The following CDH9 variants were observed in gnomAD, a reference collection of about 807,000 sequenced individuals.
The protein encoded by CDH9 is cadherin 9.
CDH9 carries 28 observed loss-of-function variants against 70.9 expected under a neutral mutation model. That is an observed-to-expected ratio of 0.40 (90% CI 0.29 to 0.54). The LOEUF (loss-of-function observed/expected upper bound fraction) is 0.54. Among genes scored for constraint, CDH9 ranks in the 20% least tolerant of loss-of-function variants. The pLI is 0.59. For synonymous variants in CDH9, 409 were observed against 343.1 expected (o/e 1.19, Z -2.12); for missense variants, 874 against 984.4 (o/e 0.89, Z 1.50).
intron 1 of CDH9, among the ~76,000 whole-genome samples, chr5:27,021,586 A>C (rs1743139225): frequency 6.6e-6 from 1 of 151,872 alleles, no homozygotes; most frequent in Non-Finnish European, 1.5e-5. Context: ...AATATGATGC[A>C]GTTATAAAGT....
At chr5:26,986,631 T>A (rs1742492683) in intron 2 of CDH9, among the ~76,000 whole-genome samples, 1 of 152,138 alleles carries the variant, frequency 6.6e-6, no homozygotes, top group Admixed American at 6.6e-5. Flanking sequence ...TCTGTATCTG[T>A]GAATCTCCAA....
intron 1 of CDH9, among the ~76,000 whole-genome samples, chr5:27,002,451 C>A (rs1449963826): frequency 1.3e-5 from 2 of 152,132 alleles, no homozygotes; most frequent in African/African-American, 4.8e-5. Context: ...AATCATGCTG[C>A]TATAAAGACA....
At chr5:26,906,899 T>G (rs879297827) in intron 3 of CDH9, 61 bp from the exon 4 acceptor site, 105 of 1,495,514 alleles carry the variant, frequency 7.0e-5, no homozygotes, top group Non-Finnish European at 9.4e-5. Context: ...TGAAACAATC[T>G]TTCTTAAAAA....
At position 26,933,863 on chromosome 5, in the gene CDH9, G is replaced by A. The variant is rs117861299; in HGVS notation, c.229-17939C>T. Among the ~76,000 whole-genome samples the A allele has an allele frequency of 7.1e-3, 1,081 of 152,000 alleles. 35 individuals are homozygous for A. The East Asian group carries it at 0.088, about 12-fold the overall frequency. ...ACACATTACTACTATTAGATATCAC[G>A]ACTAATCCCATGAACACAGGATAGT... On this transcript the variant is annotated intron_variant, in intron 2 of 11. Transcript: ENST00000231021.
At chr5:26,985,536 AC>A (rs1742474969) in intron 2 of CDH9, among the ~76,000 whole-genome samples, 1 of 152,118 alleles carries the variant, frequency 6.6e-6, no homozygotes, top group Non-Finnish European at 1.5e-5. Context: ...TCAGGATCAA[AC>A]CCTCGTTTTA....
chr5:26,909,076 C>T (rs1383323893), intron 3 of CDH9, among the ~76,000 whole-genome samples: 2 of 152,088 alleles, frequency 1.3e-5, no homozygotes, highest in Non-Finnish European at 2.9e-5. Context: ...CTCCGCCTCC[C>T]GGGTTCACGC....
chr5:26,960,626 A>C (rs1742017699), intron 2 of CDH9, among the ~76,000 whole-genome samples: 1 of 152,018 alleles, frequency 6.6e-6, no homozygotes, highest in Non-Finnish European at 1.5e-5. Flanking sequence ...ATTTTACTGA[A>C]AATGTATGAT....
chr5:27,032,852 C>G (rs1284630770), intron 1 of CDH9, among the ~76,000 whole-genome samples: 1 of 151,014 alleles, frequency 6.6e-6, no homozygotes, highest in African/African-American at 2.4e-5. Flanking sequence ...AAAAATTTCA[C>G]CATATAATAT....
chr5:27,038,322 C>T (rs529216666), intron 1 of CDH9, 141 bp downstream of exon 1: 101 of 151,498 alleles, frequency 6.7e-4, no homozygotes, highest in Admixed American at 3.6e-3. Context: ...AAAATGTATT[C>T]TTATGTGCTT....
intron 3 of CDH9, among the ~76,000 whole-genome samples, chr5:26,911,790 T>C (rs2112000532): frequency 1.3e-5 from 2 of 152,298 alleles, no homozygotes; most frequent in Middle Eastern, 6.8e-3. Flanking sequence ...CTGATTAGAA[T>C]ATGCTAGTGT....
rs572993952 is a variant in CDH9 at position 26,997,275 on chromosome 5, A to ATG, written c.-49-8895_-49-8894dup. 2.1e-3 allele frequency among the ~76,000 whole-genome samples: 316 copies of ATG among 150,770 alleles called. 1 individual carries two copies. The highest frequency in any genetic ancestry group is 0.014 in the South Asian group (68 of 4,758). On this transcript the variant is annotated intron_variant, in intron 1 of 11. Transcript: ENST00000231021. ...TGTGTGTGTGTATAAACATATATGTATGTGTGTGTGTGTGTGTATATATGT... is the reference window on the plus strand; with the variant it reads ...TGTGTGTGTGTATAAACATATATGTATGTGTGTGTGTGTGTGTGTATATATGT...
intron 1 of CDH9, among the ~76,000 whole-genome samples, chr5:27,026,740 T>G (rs1367317529): frequency 6.6e-6 from 1 of 151,920 alleles, no homozygotes; most frequent in East Asian, 1.9e-4. Context: ...TTTGTATATT[T>G]TATAAACATT....
At chr5:27,032,954 G>A (rs1474322554) in intron 1 of CDH9, among the ~76,000 whole-genome samples, 1 of 150,802 alleles carries the variant, frequency 6.6e-6, no homozygotes, top group Non-Finnish European at 1.5e-5. Context: ...CATAGTTTGA[G>A]ATAGCATTAA....
intron 1 of CDH9, among the ~76,000 whole-genome samples, chr5:27,008,730 G>A (rs1742909072): frequency 6.6e-6 from 1 of 152,068 alleles, no homozygotes; most frequent in Non-Finnish European, 1.5e-5. Flanking sequence ...TATAGTAAGT[G>A]TTAATGTGAT....
At chr5:26,957,178 T>C (rs2112055509) in intron 2 of CDH9, among the ~76,000 whole-genome samples, 1 of 152,220 alleles carries the variant, frequency 6.6e-6, no homozygotes, top group Admixed American at 6.5e-5. Context: ...GGGTTAAATT[T>C]TAATACCTCA....
At chr5:26,999,384 C>G (rs1020241310) in intron 1 of CDH9, among the ~76,000 whole-genome samples, 1 of 152,098 alleles carries the variant, frequency 6.6e-6, no homozygotes, top group African/African-American at 2.4e-5. Flanking sequence ...TACTCTTATT[C>G]AATAGAGATA....
At chr5:26,944,968 G>T (rs1042122254) in intron 2 of CDH9, among the ~76,000 whole-genome samples, 1 of 44,292 alleles carries the variant, frequency 2.3e-5, no homozygotes, top group Admixed American at 4.0e-4. Flanking sequence ...AACTCTGAGT[G>T]AAACTATCAT....
At chr5:27,012,247 C>A (rs114182042) in intron 1 of CDH9, among the ~76,000 whole-genome samples, 2 of 151,598 alleles carry the variant, frequency 1.3e-5, no homozygotes, top group Admixed American at 1.3e-4. Context: ...TGTTGTACTC[C>A]GTTGTTTTTA....
At chr5:26,928,851 C>A (rs1013812058) in intron 2 of CDH9, among the ~76,000 whole-genome samples, 19 of 151,558 alleles carry the variant, frequency 1.3e-4, no homozygotes, top group African/African-American at 4.1e-4. Flanking sequence ...TCAAAATGAA[C>A]TAAAAACTTA....
Sources: gnomAD v4.1 joint callset for allele counts (sites outside exome capture counted in the v4.1 genomes callset) on GRCh38, gnomAD v4.1.1 for gene constraint, MANE v1.5 for transcripts, NCBI Gene and HGNC (gene_info 2026-07-23, HGNC 2026-07-21) for gene names.